Variants in PROM2 observed in about 807,000 individuals in gnomAD.
The protein encoded by PROM2 is prominin-2.
A neutral mutation model predicts 110.2 loss-of-function variants in PROM2; 90 were observed. That is an observed-to-expected ratio of 0.82 (90% CI 0.69 to 0.97). The LOEUF is 0.97. Among genes scored for constraint, PROM2 ranks in the 50% least tolerant of loss-of-function variants. The pLI, the probability that PROM2 is intolerant of heterozygous loss-of-function variation, is 0.00. For missense variants in PROM2, 1,009 were observed against 1,074.8 expected, an observed-to-expected ratio of 0.94 and a Z score of 0.86; for synonymous variants, 470 against 467.8, an observed-to-expected ratio of 1.00 and a Z score of -0.06.
chr2:95,286,588 G>A lies in PROM2; in HGVS notation c.2040+17G>A, dbSNP rs755035093. 18 of 1,602,898 alleles carry A rather than the reference G, an allele frequency of 1.1e-5. No individual in the cohort carries two copies. The highest frequency in any genetic ancestry group is 5.0e-5 in the Admixed American group (3 of 59,942). Reference sequence around the variant, plus strand: ...AGCCTTGTGGTCAGTTTGGAGGCCCGGGGAGCCTGGGGCCTGGGGGAGGGG... The same window carrying A: ...AGCCTTGTGGTCAGTTTGGAGGCCCAGGGAGCCTGGGGCCTGGGGGAGGGG... On this transcript the variant is annotated intron_variant, in intron 17 of 23. Coordinates refer to ENST00000317620, the MANE Select transcript of PROM2 (RefSeq NM_001165978.3).
chr2:95,278,559 A>C, intron 8 of PROM2, 162 bp from the exon 9 acceptor site: 1 of 768,660 alleles, frequency 1.3e-6, no homozygotes, highest in Non-Finnish European at 2.2e-6. Flanking sequence ...AAGTTGAGTC[A>C]GACTGGGCCA....
intron 23 of PROM2, 40 bp downstream of exon 23, chr2:95,289,046 G>A (rs1293391253): frequency 1.5e-6 from 1 of 684,416 alleles, no homozygotes; most frequent in Middle Eastern, 2.8e-4. Context: ...CCCTGCCAGG[G>A]ATTAAGGGAG....
chr2:95,275,622 A>T lies in PROM2; in HGVS notation c.294+112A>T. On this transcript the variant is annotated intron_variant, in intron 2 of 23. Coordinates refer to ENST00000317620, the MANE Select transcript of PROM2 (RefSeq NM_001165978.3). This position sits in a 1 kb window ranked among gnomAD's most constrained non-coding sequence, Gnocchi z 4.4. ...CCACCTCGCTGGGTGTCCACTAGGC[A>T]GGGGCTCAGGCATCCTCTCCCCTCC... 15 of 1,417,960 alleles carry T rather than the reference A, an allele frequency of 1.1e-5. No homozygotes were observed. Among genetic ancestry groups the T allele is most frequent in the Non-Finnish European group, 1.4e-5 (15 of 1,040,352 alleles). 87.8% of individuals were successfully genotyped at this position (1,417,960 alleles called of 1,614,324 possible). A position where few individuals can be genotyped will look rare whatever the true frequency, so the allele number is the denominator to read the frequency against.
At chr2:95,280,146 GAGCTCTTCCTTCCTACAGC>G (rs1379124624) in intron 11 of PROM2, 149 bp downstream of exon 11, 21 of 769,664 alleles carry the variant, frequency 2.7e-5, no homozygotes, top group Non-Finnish European at 3.7e-5. Context: ...GGCCAACAAG[GAGCTCTTCCTTCCTACAGC>G]AGGGGCAACT....
chr2:95,286,763 C>G, intron 17 of PROM2, 41 bp from the exon 18 acceptor site: 2 of 1,547,406 alleles, frequency 1.3e-6, no homozygotes, highest in Non-Finnish European at 1.8e-6. Context: ...CCCTCCCCTT[C>G]CCTTGCACTC....
chr2:95,288,266 G>T lies in PROM2; in HGVS notation c.2300G>T (p.Arg767Leu). The T allele has an allele frequency of 6.2e-7, 1 of 1,614,068 alleles. No homozygotes were observed. Among genetic ancestry groups the T allele is most frequent in the Non-Finnish European group, 8.5e-7 (1 of 1,180,026 alleles). The stretch of plus-strand genomic sequence containing the variant: ...CTCTCCGGAGCCCTGGACAACAGCC[G>T]TGTGATCCTGTGTGACATGATGGCT... ...QPLSGALDNS[R>L]VILCDMMADP... The change falls in exon 21 of 24, where the codon CGT (arginine) becomes CTT (leucine). Residue 767 changes from arginine to leucine, a missense_variant. Arg to Leu is a moderately radical substitution (Grantham distance 102, BLOSUM62 -2). Coordinates refer to ENST00000317620, the MANE Select transcript of PROM2 (RefSeq NM_001165978.3).
Position 95,279,889 on chromosome 2 carries a change from T to C in PROM2, c.1319T>C (p.Val440Ala), listed in dbSNP as rs760823115. 1.3e-6 allele frequency: 2 copies of C among 1,554,752 alleles called. No homozygotes were observed. Among genetic ancestry groups the C allele is most frequent in the Admixed American group, 3.8e-5 (2 of 52,966 alleles). ...CVLCSVVLFV[V>A]LCNLLGLNLG... ...CTGTGCTCCGTGGTCCTATTCGTGG[T>C]GCTCTGCAACCTGCTGGGCCTCAAT... The change falls in exon 11 of 24, where the codon GTG (valine) becomes GCG (alanine). Residue 440 changes from valine to alanine, a missense_variant. Physicochemically the swap from Val to Ala is moderately conservative, Grantham distance 64. Coordinates refer to ENST00000317620, the MANE Select transcript of PROM2 (RefSeq NM_001165978.3).
chr2:95,289,049 T>A, intron 23 of PROM2, 43 bp downstream of exon 23: 2 of 1,344,146 alleles, frequency 1.5e-6, no homozygotes, highest in Non-Finnish European at 2.1e-6. Context: ...TGCCAGGGAT[T>A]AAGGGAGTGG....
Position 95,276,124 on chromosome 2 carries a change from C to T in PROM2, c.489C>T (p.Leu163=). The T allele has an allele frequency of 6.2e-7, 1 of 1,612,070 alleles. No individual in the cohort carries two copies. Residue 163 remains leucine, a synonymous_variant, in exon 3 of 24, where the codon CTC becomes CTT. Transcript: ENST00000317620. This position sits in a 1 kb window ranked among gnomAD's most constrained non-coding sequence, Gnocchi z 4.6. ...TGGTCTTCCTGCTGCTGACCACCCT[C>T]TTGCTGCTGTAAGGCGCTGCCCAGG... ...ALMVFLLLTT[L]LLLIGVVCAF... is the part of the protein sequence containing the mutation.
intron 14 of PROM2, 124 bp from the exon 15 acceptor site, chr2:95,284,845 A>G (rs1286802357): frequency 8.7e-7 from 1 of 1,145,570 alleles, no homozygotes; most frequent in Admixed American, 2.9e-5. Flanking sequence ...ACATTGCAAC[A>G]TGAAATTTGG....
At position 95,287,558 on chromosome 2, in the gene PROM2, G is replaced by A. The variant is rs544015337; in HGVS notation, c.2244+94G>A. The A allele has an allele frequency of 9.2e-5, 121 of 1,319,718 alleles. No homozygotes were observed. The African/African-American group carries it at 1.5e-3, about 16-fold the overall frequency. 81.8% of individuals were successfully genotyped at this position (1,319,718 alleles called of 1,614,324 possible). A position where few individuals can be genotyped will look rare whatever the true frequency, so the allele number is the denominator to read the frequency against. On this transcript the variant is annotated intron_variant, in intron 20 of 23. Coordinates refer to ENST00000317620, the MANE Select transcript of PROM2 (RefSeq NM_001165978.3). The stretch of plus-strand genomic sequence containing the variant: ...CCCGCCCCCGCCCCCGGAGCCCCTT[G>A]GGGGTGACCCAGGCCTTCAGGATCA...
At chr2:95,282,701 T>C (rs1573456058) in intron 14 of PROM2, among the ~76,000 whole-genome samples, 1 of 152,274 alleles carries the variant, frequency 6.6e-6, no homozygotes, top group Middle Eastern at 3.4e-3. Context: ...CTGTAACCTC[T>C]GGAGTTACTG....
At position 95,281,228 on chromosome 2, in the gene PROM2, C is replaced by T; in HGVS notation, c.1428-14C>T. ...TCCCTGCTGTCCCTCAGTCCTGCCT[C>T]TCGCCTACCCCAGAGGTGTGGGCCT... is the stretch of plus-strand genomic sequence containing the variant. On this transcript the variant is annotated splice_polypyrimidine_tract_variant and intron_variant, in intron 11 of 23. Coordinates refer to ENST00000317620, the MANE Select transcript of PROM2 (RefSeq NM_001165978.3). 6.2e-7 allele frequency: 1 copy of T among 1,611,074 alleles called. No individual in the cohort carries two copies. Among genetic ancestry groups the T allele is most frequent in the Non-Finnish European group, 8.5e-7 (1 of 1,179,740 alleles).
intron 8 of PROM2, 37 bp from the exon 9 acceptor site, chr2:95,278,684 A>G (rs916273198): frequency 6.2e-7 from 1 of 1,612,916 alleles, no homozygotes; most frequent in Non-Finnish European, 8.5e-7. Context: ...GACACTGGGC[A>G]GAGATGGGGA....
rs778430740 is a variant in PROM2 at position 95,275,975 on chromosome 2, G to A, written c.340G>A (p.Gly114Ser). ...AGYVVCAVIAGLYLLLVPTAG... is the reference protein window; with the variant it reads ...AGYVVCAVIASLYLLLVPTAG... ...CTACGTGGTATGCGCTGTGATCGCG[G>A]GCCTCTACCTGCTGCTGGTGCCCAC... Residue 114 changes from glycine (G) to serine (S), a missense_variant, in exon 3 of 24, where the codon GGC becomes AGC. Gly to Ser is a moderately conservative substitution (Grantham distance 56). Coordinates refer to ENST00000317620, the MANE Select transcript of PROM2 (RefSeq NM_001165978.3). The surrounding 1 kb of genome is among the most constrained non-coding windows in gnomAD (Gnocchi z 4.4). 1.2e-6 allele frequency: 2 copies of A among 1,612,318 alleles called. No individual in the cohort carries two copies. Among genetic ancestry groups the A allele is most frequent in the Non-Finnish European group, 1.7e-6 (2 of 1,179,818 alleles).
intron 12 of PROM2, among the ~76,000 whole-genome samples, 172 bp downstream of exon 12, chr2:95,281,537 G>T (rs983877801): frequency 1.3e-5 from 2 of 152,140 alleles, no homozygotes; most frequent in African/African-American, 4.8e-5. Flanking sequence ...GTGGATGGTG[G>T]AGGGAGAGAG....
Position 95,276,937 on chromosome 2 carries a change from G to A in PROM2, c.683-35G>A. The A allele has an allele frequency of 6.5e-7, 1 of 1,546,420 alleles. No individual in the cohort carries two copies. Among genetic ancestry groups the A allele is most frequent in the Non-Finnish European group, 8.8e-7 (1 of 1,142,712 alleles). ...AATGGGGAGGGCCCCTCCACTCTTG[G>A]GGTCCCACCCTGCAGACTGCCCTGT... is the stretch of plus-strand genomic sequence containing the variant. On this transcript the variant is annotated intron_variant, in intron 5 of 23. Transcript: ENST00000317620. The surrounding 1 kb of genome is among the most constrained non-coding windows in gnomAD (Gnocchi z 4.6).
chr2:95,285,774 G>A, intron 16 of PROM2, 64 bp downstream of exon 16: 1 of 1,489,536 alleles, frequency 6.7e-7, no homozygotes. Flanking sequence ...AGGCGGGAAA[G>A]GGTGGGAGGA....
chr2:95,279,967 A>G lies in PROM2; in HGVS notation c.1397A>G (p.Lys466Arg). 6.7e-7 allele frequency: 1 copy of G among 1,488,732 alleles called. No homozygotes were observed. Among genetic ancestry groups the G allele is most frequent in the South Asian group, 1.4e-5 (1 of 73,506 alleles). The allele number at this position is 1,488,732 out of a possible 1,614,324, so 92.2% of individuals were successfully genotyped here. ...GACGACCCCAGCCACCCAGAAGCCAAGGGCGAGGCTGGAGCCCGCTTCCTC... is the reference window on the plus strand; with the variant it reads ...GACGACCCCAGCCACCCAGAAGCCAGGGGCGAGGCTGGAGCCCGCTTCCTC... The part of the protein sequence containing the change: ...ARDDPSHPEA[K>R]GEAGARFLMA... The change falls in exon 11 of 24, where the codon AAG becomes AGG. Residue 466 changes from lysine (K) to arginine (R), a missense_variant. Coordinates refer to ENST00000317620, the MANE Select transcript of PROM2 (RefSeq NM_001165978.3).
Sources: gnomAD v4.1 joint callset for allele counts (sites outside exome capture counted in the v4.1 genomes callset) on GRCh38, gnomAD v4.1.1 for gene constraint, Gnocchi (gnomAD v3.1) non-coding constraint, MANE v1.5 for transcripts, NCBI Gene and HGNC (gene_info 2026-07-23, HGNC 2026-07-21) for gene names.